QTGAL: variants seen among roughly 807,000 people sequenced by gnomAD.
QTGAL encodes the protein BGnT-like protein 1.
At chr17:82,971,271 A>T in the QTGAL span, among the ~76,000 whole-genome samples, 1 of 152,206 alleles carries the variant, frequency 6.6e-6, no homozygotes, top group Non-Finnish European at 1.5e-5. Context: ...AGTGACAACG[A>T]TCCAGAAACA....
chr17:82,987,043 G>A, the QTGAL span, among the ~76,000 whole-genome samples: 2 of 152,202 alleles, frequency 1.3e-5, no homozygotes, highest in East Asian at 3.9e-4. Flanking sequence ...AATCCAGGAT[G>A]TTGAAATCCT....
chr17:83,004,874 G>A, the QTGAL span, among the ~76,000 whole-genome samples: 1 of 152,010 alleles, frequency 6.6e-6, no homozygotes, highest in Non-Finnish European at 1.5e-5. Flanking sequence ...TGTGCGGTCG[G>A]GTTTCCCAGC....
the QTGAL span, chr17:82,943,768 C>T: frequency 6.6e-6 from 1 of 152,194 alleles, no homozygotes; most frequent in Non-Finnish European, 1.5e-5. Context: ...GGTCTTTATA[C>T]CCTAAAAGAG....
chr17:82,970,591 C>T, the QTGAL span, among the ~76,000 whole-genome samples: 49 of 134,090 alleles, frequency 3.7e-4, 4 homozygotes, highest in African/African-American at 7.2e-4. Flanking sequence ...CCGCGACCTC[C>T]GCACCCGGCG....
the QTGAL span, among the ~76,000 whole-genome samples, chr17:83,027,152 G>A: frequency 3.7e-5 from 5 of 134,638 alleles, no homozygotes; most frequent in South Asian, 5.3e-4. Flanking sequence ...ACACACGGAG[G>A]GGGGCAGGGA....
chr17:83,038,359 T>C, the QTGAL span, among the ~76,000 whole-genome samples: 1 of 152,220 alleles, frequency 6.6e-6, no homozygotes, highest in African/African-American at 2.4e-5. Context: ...TACAACGGAT[T>C]GTTTTTATTA....
chr17:83,034,339 C>T, the QTGAL span, among the ~76,000 whole-genome samples: 1 of 152,260 alleles, frequency 6.6e-6, no homozygotes, highest in Non-Finnish European at 1.5e-5. Flanking sequence ...CTTCATTTTG[C>T]TCACATCGCT....
At chr17:83,031,880 C>T in the QTGAL span, among the ~76,000 whole-genome samples, 8 of 152,378 alleles carry the variant, frequency 5.3e-5, no homozygotes, top group African/African-American at 1.9e-4. Context: ...TCACACTGGT[C>T]AGCTGGGCAA....
At chr17:82,995,052 G>A in the QTGAL span, among the ~76,000 whole-genome samples, 4 of 152,088 alleles carry the variant, frequency 2.6e-5, no homozygotes, top group African/African-American at 9.7e-5. Context: ...CATAATAAAA[G>A]CCATATACAA....
At chr17:83,018,374 G>A in the QTGAL span, among the ~76,000 whole-genome samples, 35 of 152,190 alleles carry the variant, frequency 2.3e-4, no homozygotes, top group African/African-American at 8.2e-4. Flanking sequence ...CATGTACAAC[G>A]ATCCCTAAAA....
chr17:82,984,291 C>CGGGGGAGAGATGATGTGAGCACAT, the QTGAL span, among the ~76,000 whole-genome samples: 321 of 51,550 alleles, frequency 6.2e-3, 21 homozygotes, highest in African/African-American at 0.013. Context: ...CGTGAGCACA[C>CGGGGGAGAGATGATGTGAGCACAT]GGGGGAGAGG....
chr17:82,965,556 T>A, the QTGAL span: 8 of 1,265,230 alleles, frequency 6.3e-6, no homozygotes, highest in Non-Finnish European at 8.8e-6. Flanking sequence ...CCCGGAGGCA[T>A]GGCAAGGCGG....
the QTGAL span, among the ~76,000 whole-genome samples, chr17:83,020,948 G>A: frequency 6.6e-6 from 1 of 152,220 alleles, no homozygotes; most frequent in East Asian, 1.9e-4. Context: ...TTCTATGGTG[G>A]CCACAGGAAT....
At chr17:83,006,851 G>A in the QTGAL span, 1 of 970,864 alleles carries the variant, frequency 1.0e-6, no homozygotes, top group Non-Finnish European at 1.2e-6. This position sits in a 1 kb window ranked among gnomAD's most constrained non-coding sequence, Gnocchi z 5.8. Flanking sequence ...TAAATGCCCA[G>A]GAGAGCAACT....
the QTGAL span, among the ~76,000 whole-genome samples, chr17:83,000,318 G>A: frequency 9.1e-3 from 1,393 of 152,270 alleles, 25 homozygotes; most frequent in African/African-American, 0.031. Context: ...CTGTGCTTGC[G>A]GAGATGATCA....
At chr17:83,039,443 C>T in the QTGAL span, among the ~76,000 whole-genome samples, 1 of 109,152 alleles carries the variant, frequency 9.2e-6, no homozygotes, top group Non-Finnish European at 2.0e-5. Context: ...GGGCGCCCGC[C>T]GCCCGCCCCT....
At chr17:83,027,532 G>A in the QTGAL span, among the ~76,000 whole-genome samples, 1 of 151,968 alleles carries the variant, frequency 6.6e-6, no homozygotes, top group Non-Finnish European at 1.5e-5. Context: ...TTCTGCTCAA[G>A]ACACCATTAA....
the QTGAL span, among the ~76,000 whole-genome samples, chr17:83,018,347 C>G: frequency 1.3e-5 from 2 of 152,254 alleles, no homozygotes; most frequent in African/African-American, 4.8e-5. Flanking sequence ...TATCATGTAC[C>G]ACACGTGCTC....
the QTGAL span, among the ~76,000 whole-genome samples, chr17:83,041,311 A>G: frequency 6.6e-6 from 1 of 152,240 alleles, no homozygotes; most frequent in African/African-American, 2.4e-5. Flanking sequence ...GGCAAGAGAA[A>G]TAAGCAGAAA....
Sources: allele counts gnomAD v4.1 joint callset (sites outside exome capture counted in the v4.1 genomes callset), GRCh38; gene constraint gnomAD v4.1.1; non-coding constraint Gnocchi (gnomAD v3.1); transcripts MANE v1.5; gene names NCBI Gene and HGNC (gene_info 2026-07-23, HGNC 2026-07-21).